The following PIEZO2 variants were observed in gnomAD, a reference collection of about 807,000 sequenced individuals.
The protein encoded by PIEZO2 is piezo type mechanosensitive ion channel component 2.
A neutral mutation model predicts 337.3 loss-of-function variants in PIEZO2; 172 were observed. The ratio of observed to expected loss-of-function variants is 0.51; its 90% CI spans 0.45 to 0.58. The LOEUF is 0.58. PIEZO2 is among the 20% of genes least tolerant of loss of function. The pLI is 0.00. For synonymous variants in PIEZO2, 1,251 were observed against 1,228.5 expected, an observed-to-expected ratio of 1.02 and a Z score of -0.38; for missense variants, 3,028 against 3,391.3, an observed-to-expected ratio of 0.89 and a Z score of 2.66.
At chr18:11,015,655 TGCTGG>T (rs1283067297) in intron 2 of PIEZO2, among the ~76,000 whole-genome samples, 17 of 152,116 alleles carry the variant, frequency 1.1e-4, no homozygotes, top group Admixed American at 1.1e-3. Flanking sequence ...CTGCTGCATT[TGCTGG>T]GCTGGTTGAC....
intron 1 of PIEZO2, among the ~76,000 whole-genome samples, chr18:11,073,723 A>G (rs2038425312): frequency 6.6e-6 from 1 of 152,240 alleles, no homozygotes; most frequent in East Asian, 1.9e-4. Context: ...AAGTTATCCA[A>G]AACTACGAGA....
chr18:11,044,659 T>C (rs1289107883), intron 2 of PIEZO2, among the ~76,000 whole-genome samples: 1 of 152,226 alleles, frequency 6.6e-6, no homozygotes, highest in Non-Finnish European at 1.5e-5. Context: ...ACCCTCACAT[T>C]CTACTGTGAA....
intron 2 of PIEZO2, among the ~76,000 whole-genome samples, chr18:10,995,084 A>AAAAAAAAGAAAGAC (rs1555689878): frequency 6.7e-6 from 1 of 148,964 alleles, no homozygotes; most frequent in Non-Finnish European, 1.5e-5. Flanking sequence ...TCTCAAAAAA[A>AAAAAAAAGAAAGAC]AAAAAAAAAA....
At chr18:10,685,149 T>C (rs887633109) in intron 49 of PIEZO2, among the ~76,000 whole-genome samples, 1 of 152,202 alleles carries the variant, frequency 6.6e-6, no homozygotes, top group Non-Finnish European at 1.5e-5. Context: ...ATAAAGTGTG[T>C]TTGTAAAGCC....
chr18:10,845,190 G>A (rs970588936), intron 7 of PIEZO2, among the ~76,000 whole-genome samples: 1 of 130,032 alleles, frequency 7.7e-6, no homozygotes, highest in South Asian at 2.3e-4. Context: ...TTCCCATTGT[G>A]TGTGTGTGTG....
chr18:10,798,325 G>A (rs1464647760), intron 11 of PIEZO2, among the ~76,000 whole-genome samples: 1 of 152,236 alleles, frequency 6.6e-6, no homozygotes, highest in Admixed American at 6.5e-5. Flanking sequence ...GGTTACAGGA[G>A]AAAGTTTCTT....
At position 10,979,484 on chromosome 18, in the gene PIEZO2, T is replaced by C; in HGVS notation, c.286+51A>G. The C allele has an allele frequency of 7.1e-7, 1 of 1,399,046 alleles. No individual in the cohort carries two copies. The highest frequency in any genetic ancestry group is 9.4e-7 in the Non-Finnish European group (1 of 1,063,762). 86.7% of individuals were successfully genotyped at this position (1,399,046 alleles called of 1,614,324 possible). On this transcript the variant is annotated intron_variant, in intron 3 of 55. Coordinates refer to ENST00000674853, the MANE Select transcript of PIEZO2 (RefSeq NM_001378183.1). The surrounding 1 kb of genome is among the most constrained non-coding windows in gnomAD (Gnocchi z 4.0). Reference sequence around the variant, plus strand: ...ATGACACACAGCTTTATTATGCACGTATATAAAAGAAATAAAAGAAAACAA... The same window carrying C: ...ATGACACACAGCTTTATTATGCACGCATATAAAAGAAATAAAAGAAAACAA...
chr18:10,773,446 T>C lies in PIEZO2; in HGVS notation c.2751A>G (p.Glu917=). 6.5e-7 allele frequency: 1 copy of C among 1,537,436 alleles called. No individual in the cohort carries two copies. The highest frequency in any genetic ancestry group is 8.7e-7 in the Non-Finnish European group (1 of 1,146,972). Residue 917 remains glutamate, a synonymous_variant, in exon 20 of 56, where the codon GAA becomes GAG. Coordinates refer to ENST00000674853, the MANE Select transcript of PIEZO2 (RefSeq NM_001378183.1). The surrounding 1 kb of genome is among the most constrained non-coding windows in gnomAD (Gnocchi z 5.3). ...CTTCCTCCTCCTCGGATTCCTCCTC[T>C]TCCTCTCCGTCCTCCTCTGACTCCT... ...DSEESEEDGE[E]EEESEEEEET...
Position 11,058,152 on chromosome 18 carries a change from C to T in PIEZO2, c.160+7975G>A, listed in dbSNP as rs533796200. ...GCAACATTTGCTGCTCACCAGTATCCACTGTTCTGCAGCCTCCGCTGCTGT... is the reference window on the plus strand; with the variant it reads ...GCAACATTTGCTGCTCACCAGTATCTACTGTTCTGCAGCCTCCGCTGCTGT... On this transcript the variant is annotated intron_variant, in intron 2 of 55. Coordinates refer to ENST00000674853, the MANE Select transcript of PIEZO2 (RefSeq NM_001378183.1). Among the ~76,000 whole-genome samples, 7 of 152,288 alleles carry T rather than the reference C, an allele frequency of 4.6e-5. No homozygotes were observed. In the South Asian group the frequency reaches 8.3e-4, roughly 18 times the overall value.
Position 10,819,001 on chromosome 18 carries a change from A to G in PIEZO2, c.918-11727T>C. On this transcript the variant is annotated intron_variant, in intron 7 of 55. Transcript: ENST00000674853. This position sits in a 1 kb window ranked among gnomAD's most constrained non-coding sequence, Gnocchi z 4.3. ...CCATTTATTTTTTATCTATATTGTT[A>G]GTGGCTAATAATTTTTTGTTACACT... 6.6e-6 allele frequency among the ~76,000 whole-genome samples: 1 copy of G among 152,204 alleles called. No individual in the cohort carries two copies. Among genetic ancestry groups the G allele is most frequent in the Non-Finnish European group, 1.5e-5 (1 of 68,026 alleles).
chr18:10,812,027 G>T (rs1054195691), intron 7 of PIEZO2, among the ~76,000 whole-genome samples: 4 of 152,134 alleles, frequency 2.6e-5, no homozygotes, highest in Non-Finnish European at 5.9e-5. Context: ...TAGAGACGGG[G>T]TTTCACCGTG....
intron 3 of PIEZO2, among the ~76,000 whole-genome samples, chr18:10,916,701 GCCTCGGCCAGCC>G (rs1476304138): frequency 6.6e-6 from 1 of 152,166 alleles, no homozygotes; most frequent in Non-Finnish European, 1.5e-5. Context: ...GCCAGCTGCA[GCCTCGGCCAGCC>G]CAGAGACGCG....
rs2037360350 is a variant in PIEZO2 at position 11,047,553 on chromosome 18, G to A, written c.160+18574C>T. ...AAAGAGGAGGCAAAGCTTGGATAAGGCAGATCCTTTTAGCAGAAAACAGTT... is the reference window on the plus strand; with the variant it reads ...AAAGAGGAGGCAAAGCTTGGATAAGACAGATCCTTTTAGCAGAAAACAGTT... On this transcript the variant is annotated intron_variant, in intron 2 of 55. Coordinates refer to ENST00000674853, the MANE Select transcript of PIEZO2 (RefSeq NM_001378183.1). The surrounding 1 kb of genome is among the most constrained non-coding windows in gnomAD (Gnocchi z 7.2). 6.6e-6 allele frequency among the ~76,000 whole-genome samples: 1 copy of A among 152,140 alleles called. No homozygotes were observed. Among genetic ancestry groups the A allele is most frequent in the Admixed American group, 6.5e-5 (1 of 15,272 alleles).
chr18:10,803,483 T>C (rs1315090954), intron 9 of PIEZO2, among the ~76,000 whole-genome samples: 2 of 152,236 alleles, frequency 1.3e-5, no homozygotes, highest in Non-Finnish European at 2.9e-5. Context: ...GTCTGCCAAA[T>C]ACCCAAATCA....
chr18:10,729,592 C>A (rs187604388), intron 36 of PIEZO2, among the ~76,000 whole-genome samples: 22 of 144,500 alleles, frequency 1.5e-4, no homozygotes, highest in Admixed American at 1.2e-3. Context: ...CCACTGCACT[C>A]CAGCCTGTGT....
chr18:10,681,888 G>C, intron 50 of PIEZO2, 135 bp from the exon 51 acceptor site: 2 of 868,318 alleles, frequency 2.3e-6, no homozygotes, highest in Non-Finnish European at 3.5e-6. Context: ...TGGCATCCGA[G>C]ATCTCTTTTT....
At chr18:10,956,891 C>A (rs571831284) in intron 3 of PIEZO2, among the ~76,000 whole-genome samples, 2 of 151,246 alleles carry the variant, frequency 1.3e-5, no homozygotes, top group Admixed American at 1.3e-4. Context: ...ATCACTTGAA[C>A]CCAGGAGGCG....
At chr18:11,130,563 G>A (rs933459580) in intron 1 of PIEZO2, among the ~76,000 whole-genome samples, 15 of 152,200 alleles carry the variant, frequency 9.9e-5, no homozygotes, top group East Asian at 1.9e-4. Context: ...ATGCTAACTG[G>A]ATCCAGTAAG....
intron 1 of PIEZO2, among the ~76,000 whole-genome samples, chr18:11,130,295 T>C (rs913963850): frequency 1.3e-5 from 2 of 152,262 alleles, no homozygotes; most frequent in Non-Finnish European, 2.9e-5. Context: ...TGTGGTTTCA[T>C]TGCTTGAGCA....
Sources: gnomAD v4.1 joint callset for allele counts (sites outside exome capture counted in the v4.1 genomes callset) on GRCh38, gnomAD v4.1.1 for gene constraint, Gnocchi (gnomAD v3.1) non-coding constraint, MANE v1.5 for transcripts, NCBI Gene and HGNC (gene_info 2026-07-23, HGNC 2026-07-21) for gene names.